Variants in TIAM1 observed in about 807,000 individuals in gnomAD.
The protein encoded by TIAM1 is rho guanine nucleotide exchange factor TIAM1.
A neutral mutation model predicts 163.5 loss-of-function variants in TIAM1; 65 were observed. That is an observed-to-expected ratio of 0.40 (90% CI 0.33 to 0.49). The LOEUF (loss-of-function observed/expected upper bound fraction) is 0.49, where lower values mean the gene tolerates loss of function less well. TIAM1 is among the 20% of genes least tolerant of loss of function. The pLI, the probability that TIAM1 is intolerant of heterozygous loss-of-function variation, is 0.77. For missense variants in TIAM1, 1,789 were observed against 2,044.7 expected (o/e 0.87, Z 2.41); for synonymous variants, 833 against 810.1 (o/e 1.03, Z -0.48).
intron 2 of TIAM1, among the ~76,000 whole-genome samples, chr21:31,438,179 CTTTTTTTTTTTTTTTTTTTTT>C (rs34844399): frequency 1.6e-5 from 1 of 62,688 alleles, no homozygotes; most frequent in Non-Finnish European, 2.9e-5. Flanking sequence ...TATTTGTGAT[CTTTTTTTTTTTTTTTTTTTTT>C]TTTTTTTTTG....
At chr21:31,353,359 T>C (rs1260776179) in intron 2 of TIAM1, among the ~76,000 whole-genome samples, 6 of 152,214 alleles carry the variant, frequency 3.9e-5, no homozygotes, top group South Asian at 4.1e-4. Flanking sequence ...TAAGTGAGAA[T>C]TGCGGGTCAG....
chr21:31,506,530 T>C (rs1209289222), intron 1 of TIAM1, among the ~76,000 whole-genome samples: 1 of 152,220 alleles, frequency 6.6e-6, no homozygotes, highest in Admixed American at 6.5e-5. Context: ...CTCATACAAG[T>C]GGAATCACAT....
At chr21:31,357,385 C>A (rs1419395190) in intron 2 of TIAM1, among the ~76,000 whole-genome samples, 2 of 152,168 alleles carry the variant, frequency 1.3e-5, no homozygotes, top group African/African-American at 4.8e-5. Context: ...TCAGAGAGGA[C>A]TACCACAAAC....
At chr21:31,459,906 G>A (rs1209983039) in intron 2 of TIAM1, among the ~76,000 whole-genome samples, 2 of 152,146 alleles carry the variant, frequency 1.3e-5, no homozygotes, top group African/African-American at 2.4e-5. Context: ...GAAAAACGGA[G>A]GCTGAGACTC....
At chr21:31,501,399 C>T (rs952467610) in intron 1 of TIAM1, among the ~76,000 whole-genome samples, 1 of 152,024 alleles carries the variant, frequency 6.6e-6, no homozygotes, top group African/African-American at 2.4e-5. Context: ...GGGAGAGAGT[C>T]AACGCAAAGC....
At chr21:31,137,570 A>G (rs189071097) in intron 22 of TIAM1, among the ~76,000 whole-genome samples, 80 of 152,042 alleles carry the variant, frequency 5.3e-4, no homozygotes, top group Non-Finnish European at 1.1e-3. Context: ...TTTAAAAGTG[A>G]TTAAAGGCCA....
intron 10 of TIAM1, 183 bp downstream of exon 10, chr21:31,213,215 A>G (rs558855996): frequency 5.1e-4 from 278 of 542,820 alleles, no homozygotes; most frequent in African/African-American, 4.2e-3. Context: ...TCCCTCTACC[A>G]CTCAGTTTTA....
At chr21:31,479,209 T>A (rs2046029126) in intron 1 of TIAM1, among the ~76,000 whole-genome samples, 2 of 152,296 alleles carry the variant, frequency 1.3e-5, no homozygotes, top group African/African-American at 2.4e-5. Context: ...ACGGTCCTAA[T>A]AGCTCAATGA....
intron 2 of TIAM1, among the ~76,000 whole-genome samples, chr21:31,460,159 C>A (rs577687679): frequency 6.6e-6 from 1 of 152,124 alleles, no homozygotes; most frequent in Non-Finnish European, 1.5e-5. Flanking sequence ...GAAGCCACTG[C>A]CCATTTTAAG....
chr21:31,537,474 G>A (rs1475563153), intron 1 of TIAM1, among the ~76,000 whole-genome samples: 6 of 150,490 alleles, frequency 4.0e-5, no homozygotes, highest in South Asian at 2.1e-4. Flanking sequence ...TAATAGGGCC[G>A]AGAGCAGTGG....
In TIAM1 at chr21:31,152,756, G is replaced by A. The variant is rs151124534; in HGVS notation, c.3246C>T (p.Asp1082=). The A allele has an allele frequency of 1.7e-4, 275 of 1,613,848 alleles. 2 individuals carry two copies. The highest frequency in any genetic ancestry group is 4.9e-4 in the Middle Eastern group (3 of 6,062). The change falls in exon 19 of 28, where the codon GAC becomes GAT. Residue 1082 remains aspartate (D), a synonymous_variant. Coordinates refer to ENST00000541036, the MANE Select transcript of TIAM1 (RefSeq NM_001353694.2). The part of the protein sequence containing the change: ...KETFLTQDEL[D]VLFGNLTEMV... ...TTTCCGTTAAATTTCCAAAAAGCAC[G>A]TCAAGCTAGAAATAAAACAGAATTT...
At chr21:31,382,755 GCAAA>G (rs2076799319) in intron 2 of TIAM1, among the ~76,000 whole-genome samples, 1 of 152,066 alleles carries the variant, frequency 6.6e-6, no homozygotes, top group African/African-American at 2.4e-5. Context: ...AAAAAACACG[GCAAA>G]CAAACTAAAA....
chr21:31,487,393 A>C lies in TIAM1; in HGVS notation c.-421-23358T>G, dbSNP rs574986752. ...CTTTTTCTTTTTTCTTTTTTTGAGA[A>C]GGAGTCTCACTCTGTCGCCCAGGCT... On this transcript the variant is annotated intron_variant, in intron 1 of 28. Transcript: ENST00000286827. Among the ~76,000 whole-genome samples, 244 of 152,192 alleles carry C rather than the reference A, an allele frequency of 1.6e-3. 1 individual carries two copies. The highest frequency in any genetic ancestry group is 5.3e-3 in the African/African-American group (219 of 41,542).
At chr21:31,272,838 A>G (rs2073124053) in intron 3 of TIAM1, among the ~76,000 whole-genome samples, 2 of 152,234 alleles carry the variant, frequency 1.3e-5, no homozygotes, top group South Asian at 4.1e-4. Flanking sequence ...GCAAGCATTT[A>G]GCATCATCTG....
chr21:31,408,771 C>A (rs1236954881), intron 2 of TIAM1, among the ~76,000 whole-genome samples: 2 of 152,180 alleles, frequency 1.3e-5, no homozygotes, highest in African/African-American at 4.8e-5. Flanking sequence ...TGTTCTCACA[C>A]GAAGACAATG....
chr21:31,474,000 G>A (rs2045848864), intron 1 of TIAM1, among the ~76,000 whole-genome samples: 1 of 152,174 alleles, frequency 6.6e-6, no homozygotes, highest in Non-Finnish European at 1.5e-5. Flanking sequence ...GAGGCCTCAA[G>A]AAGCTTCCAC....
intron 14 of TIAM1, among the ~76,000 whole-genome samples, chr21:31,183,708 T>A (rs989489132): frequency 2.0e-5 from 3 of 151,944 alleles, no homozygotes; most frequent in African/African-American, 2.4e-5. Flanking sequence ...TTTTTTTTTT[T>A]TTTTGAGACG....
At chr21:31,501,212 A>G (rs2046837067) in intron 1 of TIAM1, among the ~76,000 whole-genome samples, 1 of 152,130 alleles carries the variant, frequency 6.6e-6, no homozygotes, top group African/African-American at 2.4e-5. Flanking sequence ...AGGACCACAC[A>G]TTCCATTACT....
At chr21:31,503,643 T>C (rs1337720362) in intron 1 of TIAM1, among the ~76,000 whole-genome samples, 5 of 42,320 alleles carry the variant, frequency 1.2e-4, no homozygotes, top group Admixed American at 3.0e-4. Context: ...CAAAATACAC[T>C]TGCTTTTTCT....
Sources: gnomAD v4.1 joint callset for allele counts (sites outside exome capture counted in the v4.1 genomes callset) on GRCh38, gnomAD v4.1.1 for gene constraint, MANE v1.5 for transcripts, NCBI Gene and HGNC (gene_info 2026-07-23, HGNC 2026-07-21) for gene names.